DOCK4: variants seen among roughly 807,000 people sequenced by gnomAD.
The protein encoded by DOCK4 is dedicator of cytokinesis 4, also known as dedicator of cytokinesis protein 4.
Under a neutral mutation model 268.1 loss-of-function variants are expected in DOCK4, and 97 were observed. The observed-to-expected ratio is 0.36, with a 90% confidence interval of 0.31 to 0.43. DOCK4 has a LOEUF of 0.43. Among genes scored for constraint, DOCK4 ranks in the 20% least tolerant of loss-of-function variants. DOCK4 has a pLI of 1.00. For missense variants in DOCK4, 2,145 were observed against 2,455.7 expected, an observed-to-expected ratio of 0.87 and a Z score of 2.67; for synonymous variants, 954 against 887.2, an observed-to-expected ratio of 1.08 and a Z score of -1.34.
intron 23 of DOCK4, among the ~76,000 whole-genome samples, chr7:111,858,112 C>G (rs1473394028): frequency 6.6e-6 from 1 of 152,176 alleles, no homozygotes. Flanking sequence ...AGCTGTGAGG[C>G]TGCCCAGAGA....
chr7:111,759,263 G>A (rs1797231384), intron 40 of DOCK4, among the ~76,000 whole-genome samples: 1 of 152,140 alleles, frequency 6.6e-6, no homozygotes, highest in African/African-American at 2.4e-5. Flanking sequence ...GAACACTGAC[G>A]ATGACTTACA....
At chr7:111,827,238 G>T (rs181645274) in intron 26 of DOCK4, among the ~76,000 whole-genome samples, 1 of 151,978 alleles carries the variant, frequency 6.6e-6, no homozygotes, top group Non-Finnish European at 1.5e-5. Context: ...AGTATCTTAC[G>T]CAAAATAACT....
intron 1 of DOCK4, among the ~76,000 whole-genome samples, chr7:112,069,258 T>C (rs1563054829): frequency 6.6e-6 from 1 of 152,226 alleles, no homozygotes; most frequent in Non-Finnish European, 1.5e-5. Context: ...GATTGAGTTA[T>C]TGTTGGCACT....
intron 52 of DOCK4, among the ~76,000 whole-genome samples, chr7:111,730,863 C>G (rs1795038018): frequency 6.6e-6 from 1 of 152,204 alleles, no homozygotes; most frequent in Admixed American, 6.5e-5. Flanking sequence ...TACCAGCTTG[C>G]TAAGACTATT....
chr7:111,929,013 T>C (rs1793970141), intron 12 of DOCK4, among the ~76,000 whole-genome samples: 1 of 152,234 alleles, frequency 6.6e-6, no homozygotes, highest in African/African-American at 2.4e-5. Context: ...TGTGGTTCTG[T>C]TGCTATGTTC....
chr7:111,801,430 C>T (rs749113187), intron 30 of DOCK4, among the ~76,000 whole-genome samples: 6 of 152,174 alleles, frequency 3.9e-5, no homozygotes, highest in Admixed American at 6.5e-5. Flanking sequence ...CACATGTGTG[C>T]GTGTCCTTTT....
chr7:112,075,017 T>C (rs1454383921), intron 1 of DOCK4, among the ~76,000 whole-genome samples: 15 of 152,222 alleles, frequency 9.9e-5, no homozygotes, highest in Admixed American at 9.2e-4. Context: ...CCTTTCTACC[T>C]AGCTAACAAT....
At chr7:112,003,667 A>G (rs995401397) in intron 2 of DOCK4, among the ~76,000 whole-genome samples, 2 of 152,188 alleles carry the variant, frequency 1.3e-5, no homozygotes, top group Non-Finnish European at 2.9e-5. Flanking sequence ...CTCCAGAGGC[A>G]TCTGGCTACT....
intron 11 of DOCK4, among the ~76,000 whole-genome samples, chr7:111,937,752 T>C (rs1276397729): frequency 1.3e-5 from 2 of 152,236 alleles, no homozygotes; most frequent in Non-Finnish European, 2.9e-5. Flanking sequence ...ATACAAATTA[T>C]TAACTGGAGA....
intron 26 of DOCK4, among the ~76,000 whole-genome samples, chr7:111,823,120 G>A (rs529119739): frequency 4.0e-5 from 6 of 150,810 alleles, no homozygotes; most frequent in Non-Finnish European, 7.4e-5. Flanking sequence ...CGAGATGGTA[G>A]TAGTATTTAC....
At chr7:112,006,025 C>T (rs922303505) in intron 1 of DOCK4, among the ~76,000 whole-genome samples, 27 of 152,306 alleles carry the variant, frequency 1.8e-4, no homozygotes, top group South Asian at 4.1e-4. Context: ...CACTCGCCAG[C>T]CTTCTCCACA....
chr7:112,180,619 G>A (rs564535005), intron 1 of DOCK4, among the ~76,000 whole-genome samples: 1 of 152,154 alleles, frequency 6.6e-6, no homozygotes, highest in East Asian at 1.9e-4. Context: ...AGCTGTGTCC[G>A]TGCCATGACG....
At chr7:111,988,893 A>C in intron 6 of DOCK4, 122 bp downstream of exon 6, 1 of 1,389,476 alleles carries the variant, frequency 7.2e-7, no homozygotes, top group African/African-American at 1.5e-5. Flanking sequence ...GCCTCCAAAA[A>C]CAGGAAACAT....
chr7:111,956,058 A>C (rs1796423708), intron 8 of DOCK4, among the ~76,000 whole-genome samples: 1 of 152,222 alleles, frequency 6.6e-6, no homozygotes, highest in Admixed American at 6.5e-5. Flanking sequence ...GGGACCATGA[A>C]ATGAGAAAGC....
At chr7:112,180,332 A>G (rs1818913241) in intron 1 of DOCK4, among the ~76,000 whole-genome samples, 2 of 152,154 alleles carry the variant, frequency 1.3e-5, no homozygotes, top group African/African-American at 4.8e-5. Context: ...GAAAAACAGA[A>G]GCACAGTGCT....
intron 31 of DOCK4, 185 bp from the exon 32 acceptor site, chr7:111,788,932 C>T (rs1439910724): frequency 1.3e-5 from 8 of 620,696 alleles, no homozygotes; most frequent in Admixed American, 1.2e-4. Context: ...GATAGAGTTA[C>T]ATGACTTCAC....
At chr7:111,985,940 A>C (rs889518417) in intron 6 of DOCK4, among the ~76,000 whole-genome samples, 26 of 152,310 alleles carry the variant, frequency 1.7e-4, no homozygotes, top group South Asian at 2.1e-4. Flanking sequence ...TTAGCAAATG[A>C]AAGAGGGCAT....
At chr7:112,126,822 C>T (rs1813264158) in intron 1 of DOCK4, among the ~76,000 whole-genome samples, 1 of 152,200 alleles carries the variant, frequency 6.6e-6, no homozygotes, top group Admixed American at 6.5e-5. Context: ...CTCATCATCA[C>T]TGGCCATCAG....
chr7:112,202,262 C>T (rs1194462149), intron 1 of DOCK4, among the ~76,000 whole-genome samples: 1 of 152,196 alleles, frequency 6.6e-6, no homozygotes, highest in East Asian at 1.9e-4. Context: ...GAAGGTCCTC[C>T]ATGCTGTTTT....
Sources: allele counts gnomAD v4.1 joint callset (sites outside exome capture counted in the v4.1 genomes callset), GRCh38; gene constraint gnomAD v4.1.1; transcripts MANE v1.5; gene names NCBI Gene and HGNC (gene_info 2026-07-23, HGNC 2026-07-21).